OR6B1: variants seen among roughly 807,000 people sequenced by gnomAD.
The protein encoded by OR6B1 is olfactory receptor 6B1.
In OR6B1, 15 loss-of-function variants were observed where a neutral mutation model predicts 15.4. The observed-to-expected ratio is 0.97, with a 90% CI of 0.65 to 1.50. The LOEUF is 1.50. Ranked by LOEUF, OR6B1 falls within the 40% of genes most tolerant of loss-of-function variation. OR6B1 has a pLI of 0.00. For missense variants in OR6B1, 384 were observed against 385.0 expected (o/e 1.00, Z 0.02); for synonymous variants, 139 against 144.9 (o/e 0.96, Z 0.29).
chr7:144,000,612 G>T lies in OR6B1; in HGVS notation c.-64G>T, dbSNP rs1459132678. On this transcript the variant is annotated 5_prime_UTR_variant, in exon 1 of 2. Transcript: ENST00000641698. ...CTATTTTAGAATTGGTGAAGGCTTT[G>T]TTTTCACATTTCATCCTATCAGAGG... 2.0e-5 allele frequency: 3 copies of T among 152,604 alleles called. No homozygotes were observed. Among genetic ancestry groups the T allele is most frequent in the African/African-American group, 7.2e-5 (3 of 41,426 alleles). The allele number at this position is 152,604 out of a possible 1,614,324, so 9.5% of individuals were successfully genotyped here.
chr7:144,006,227 G>A lies in OR6B1; in HGVS notation c.*1295G>A, dbSNP rs185929708. The A allele has an allele frequency of 6.6e-6, 1 of 152,178 alleles. No homozygotes were observed. The highest frequency in any genetic ancestry group is 1.5e-5 in the Non-Finnish European group (1 of 68,022). 9.4% of individuals were successfully genotyped at this position (152,178 alleles called of 1,614,324 possible). A position where few individuals can be genotyped will look rare whatever the true frequency, so the allele number is the denominator to read the frequency against. On this transcript the variant is annotated 3_prime_UTR_variant, in exon 2 of 2. Transcript: ENST00000641698. ...CAACCACAGACAGTGGGAGAGCAGA[G>A]GTCAAAGTCCCAGTTCCCTGAATCC...
At position 144,002,529 on chromosome 7, in the gene OR6B1, C is replaced by T. The variant is rs140169421; in HGVS notation, c.-25-1443C>T. Among the ~76,000 whole-genome samples the T allele has an allele frequency of 2.4e-3, 359 of 152,276 alleles. 2 individuals carry two copies. The highest frequency in any genetic ancestry group is 8.2e-3 in the African/African-American group (342 of 41,560). ...TCACCAATTACTGTTAAAGATTCTG[C>T]TTCTAACGTGTATCTTAAATCTGCT... On this transcript the variant is annotated intron_variant, in intron 1 of 1. Coordinates refer to ENST00000641698, the MANE Select transcript of OR6B1 (RefSeq NM_001005281.3).
rs2050630146 is a variant in OR6B1 at position 144,007,137 on chromosome 7, A to C, written c.*2205A>C. ...TGAATATCTTGGAAAGGGAGAATGT[A>C]GAAGTAGGGTTTCTTGGGGAATTCT... On this transcript the variant is annotated 3_prime_UTR_variant, in exon 2 of 2. Coordinates refer to ENST00000641698, the MANE Select transcript of OR6B1 (RefSeq NM_001005281.3). 1 of 152,308 alleles carries C rather than the reference A, an allele frequency of 6.6e-6. No individual in the cohort carries two copies. The highest frequency in any genetic ancestry group is 2.4e-5 in the African/African-American group (1 of 41,578). 9.4% of individuals were successfully genotyped at this position (152,308 alleles called of 1,614,324 possible).
chr7:144,008,677 CTT>C lies in OR6B1; in HGVS notation c.*3746_*3747del, dbSNP rs1435305367. On this transcript the variant is annotated 3_prime_UTR_variant, in exon 2 of 2. Coordinates refer to ENST00000641698, the MANE Select transcript of OR6B1 (RefSeq NM_001005281.3). ...CCCCTCCCACTTTCTCTCTCTCTCT[CTT>C]GCCGCCATGTTAGATGTGCCTTCCT... 8.5e-5 allele frequency: 13 copies of C among 152,344 alleles called. No individual in the cohort carries two copies. Among genetic ancestry groups the C allele is most frequent in the African/African-American group, 2.2e-4 (9 of 41,426 alleles). The allele number at this position is 152,344 out of a possible 1,614,324, so 9.4% of individuals were successfully genotyped here.
intron 1 of OR6B1, 163 bp from the exon 2 acceptor site, chr7:144,003,809 A>ACG (rs1554405849): frequency 3.4e-6 from 2 of 592,892 alleles, no homozygotes; most frequent in African/African-American, 3.8e-5. Flanking sequence ...ACACACACAC[A>ACG]CGGCTATGTG....
Position 144,005,710 on chromosome 7 carries a change from A to C in OR6B1, c.*778A>C, listed in dbSNP as rs2050619863. The stretch of plus-strand genomic sequence containing the variant: ...TGATATCCTCTTGTTCCCGCCCCGC[A>C]CCCCCCTTCCCGCCCTCTCTTTTAT... On this transcript the variant is annotated 3_prime_UTR_variant, in exon 2 of 2. Transcript: ENST00000641698. 2.0e-5 allele frequency: 3 copies of C among 150,420 alleles called. No individual in the cohort carries two copies. The highest frequency in any genetic ancestry group is 2.1e-4 in the South Asian group (1 of 4,742). 9.3% of individuals were successfully genotyped at this position (150,420 alleles called of 1,614,324 possible).
In OR6B1 at chr7:144,003,333, G is replaced by A. The variant is rs568139496; in HGVS notation, c.-25-639G>A. ...AATAAATATTAATATTCACATTGAC[G>A]GAAGAGAAAACTCAATCTCAGAGAG... On this transcript the variant is annotated intron_variant, in intron 1 of 1. Coordinates refer to ENST00000641698, the MANE Select transcript of OR6B1 (RefSeq NM_001005281.3). Among the ~76,000 whole-genome samples the A allele has an allele frequency of 1.2e-3, 180 of 152,212 alleles. 1 individual carries two copies. The highest frequency in any genetic ancestry group is 4.0e-3 in the African/African-American group (165 of 41,528).
chr7:144,004,284 C>G lies in OR6B1; in HGVS notation c.288C>G (p.Leu96=), dbSNP rs1433740828. ...TGAACAACAGCATCTCTTTCACACT[C>G]TGTATGATACAACTGTACTTCTTCA... ...WSVNNSISFT[L]CMIQLYFFIA... The change falls in exon 2 of 2, where the codon CTC becomes CTG. Residue 96 remains leucine (L), a synonymous_variant. Transcript: ENST00000641698. 6.2e-7 allele frequency: 1 copy of G among 1,614,106 alleles called. No homozygotes were observed. Among genetic ancestry groups the G allele is most frequent in the African/African-American group, 1.3e-5 (1 of 74,924 alleles).
intron 1 of OR6B1, among the ~76,000 whole-genome samples, chr7:144,003,167 C>T (rs950130591): frequency 1.3e-5 from 2 of 152,330 alleles, no homozygotes; most frequent in East Asian, 1.9e-4. Flanking sequence ...AGATCCTCCC[C>T]TCCCTCCAGT....
chr7:144,006,774 A>G lies in OR6B1; in HGVS notation c.*1842A>G, dbSNP rs553117696. On this transcript the variant is annotated 3_prime_UTR_variant, in exon 2 of 2. Coordinates refer to ENST00000641698, the MANE Select transcript of OR6B1 (RefSeq NM_001005281.3). ...GAATTTTAGCCCTGGATATATATTC[A>G]CCATGTGACCTTGGCCAAACCATCT... The G allele has an allele frequency of 3.3e-5, 5 of 152,334 alleles. No homozygotes were observed. Among genetic ancestry groups the G allele is most frequent in the African/African-American group, 1.2e-4 (5 of 41,590 alleles). The allele number at this position is 152,334 out of a possible 1,614,324, so 9.4% of individuals were successfully genotyped here.
intron 1 of OR6B1, among the ~76,000 whole-genome samples, chr7:144,003,031 CTCTA>C (rs2050594548): frequency 6.6e-6 from 1 of 152,132 alleles, no homozygotes; most frequent in Non-Finnish European, 1.5e-5. Flanking sequence ...TATAATGCAT[CTCTA>C]TCTTTGTTTG....
chr7:144,001,463 T>G (rs2050584410), intron 1 of OR6B1, among the ~76,000 whole-genome samples: 1 of 152,204 alleles, frequency 6.6e-6, no homozygotes, highest in African/African-American at 2.4e-5. Context: ...CTCTTCTTTG[T>G]GTGTATCTTT....
At position 144,004,665 on chromosome 7, in the gene OR6B1, C is replaced by A; in HGVS notation, c.669C>A (p.Ala223=). 6.2e-7 allele frequency: 1 copy of A among 1,614,190 alleles called. No individual in the cohort carries two copies. Among genetic ancestry groups the A allele is most frequent in the East Asian group, 2.2e-5 (1 of 44,888 alleles). Residue 223 remains alanine (A), a synonymous_variant, in exon 2 of 2, where the codon GCC becomes GCA. Transcript: ENST00000641698. ...TCCTGTCCTACGGATGCATTCTGGC[C>A]ACCATATTATGCATGCCCACAGGAA... is the stretch of plus-strand genomic sequence containing the variant. The part of the protein sequence containing the change: ...ITVLSYGCIL[A]TILCMPTGKQ...
At position 144,004,177 on chromosome 7, in the gene OR6B1, T is replaced by C. The variant is rs763180405; in HGVS notation, c.181T>C (p.Phe61Leu). ...QNRPLHKPMY[F>L]FLANLSFLET... Reference sequence around the variant, plus strand: ...TCGGCCACTGCACAAGCCTATGTACTTCTTCCTGGCCAACCTGTCCTTCTT... The same window carrying C: ...TCGGCCACTGCACAAGCCTATGTACCTCTTCCTGGCCAACCTGTCCTTCTT... Residue 61 changes from phenylalanine (F) to leucine (L), a missense_variant, in exon 2 of 2, where the codon TTC (phenylalanine) becomes CTC (leucine). Transcript: ENST00000641698. 6.2e-6 allele frequency: 10 copies of C among 1,614,092 alleles called. No homozygotes were observed. Among genetic ancestry groups the C allele is most frequent in the Non-Finnish European group, 8.5e-6 (10 of 1,180,052 alleles).
At position 144,005,355 on chromosome 7, in the gene OR6B1, G is replaced by A. The variant is rs1353123179; in HGVS notation, c.*423G>A. 1 of 158,316 alleles carries A rather than the reference G, an allele frequency of 6.3e-6. No individual in the cohort carries two copies. Among genetic ancestry groups the A allele is most frequent in the African/African-American group, 2.4e-5 (1 of 41,558 alleles). 9.8% of individuals were successfully genotyped at this position (158,316 alleles called of 1,614,324 possible). On this transcript the variant is annotated 3_prime_UTR_variant, in exon 2 of 2. Transcript: ENST00000641698. ...CTCCCTCAACAGTCTCATTCTTGATGTTCTGGGAGTGAATTTTGGTGGCAG... is the reference window on the plus strand; with the variant it reads ...CTCCCTCAACAGTCTCATTCTTGATATTCTGGGAGTGAATTTTGGTGGCAG...
Position 144,004,365 on chromosome 7 carries a change from T to A in OR6B1, c.369T>A (p.Tyr123Ter), listed in dbSNP as rs767132774. The A allele has an allele frequency of 1.2e-6, 2 of 1,614,202 alleles. No individual in the cohort carries two copies. Among genetic ancestry groups the A allele is most frequent in the Non-Finnish European group, 1.7e-6 (2 of 1,180,014 alleles). The change falls in exon 2 of 2, where the codon TAT becomes TAA. Residue 123 changes from tyrosine to a stop codon, truncating the protein, a stop_gained. Coordinates refer to ENST00000641698, the MANE Select transcript of OR6B1 (RefSeq NM_001005281.3). LOFTEE classifies it high-confidence loss of function. ...VLLAAMAYDR[Y>*]VAICRPLHYP... is the part of the protein sequence containing the mutation. ...TGGCCGCCATGGCCTATGACCGGTATGTGGCCATCTGTCGCCCACTCCACT... is the reference window on the plus strand; with the variant it reads ...TGGCCGCCATGGCCTATGACCGGTAAGTGGCCATCTGTCGCCCACTCCACT...
In OR6B1 at chr7:144,004,555, C is replaced by A; in HGVS notation, c.559C>A (p.Leu187Ile). The stretch of plus-strand genomic sequence containing the variant: ...CTGTGACATCTCTCCAGTACTTAAT[C>A]TCTCCTGCACAGACATGTCCATAAC... Reference protein sequence around the residue: ...FFCDISPVLNLSCTDMSITEL... With the variant: ...FFCDISPVLNISCTDMSITEL... The change falls in exon 2 of 2, where the codon CTC becomes ATC. Residue 187 changes from leucine to isoleucine, a missense_variant. Physicochemically the swap from Leu to Ile is conservative, Grantham distance 5. Coordinates refer to ENST00000641698, the MANE Select transcript of OR6B1 (RefSeq NM_001005281.3). 1 of 1,614,176 alleles carries A rather than the reference C, an allele frequency of 6.2e-7. No individual in the cohort carries two copies. Among genetic ancestry groups the A allele is most frequent in the Non-Finnish European group, 8.5e-7 (1 of 1,180,006 alleles).
At chr7:144,003,901 T>G (rs1412902644) in intron 1 of OR6B1, 71 bp from the exon 2 acceptor site, 19 of 768,670 alleles carry the variant, frequency 2.5e-5, no homozygotes, top group Middle Eastern at 3.8e-4. Context: ...TAACTATTAC[T>G]GATAGAGAAG....
At chr7:144,002,942 C>T (rs2116973437) in intron 1 of OR6B1, among the ~76,000 whole-genome samples, 1 of 152,250 alleles carries the variant, frequency 6.6e-6, no homozygotes, top group Non-Finnish European at 1.5e-5. Flanking sequence ...ATTACCTCCT[C>T]AAAGGTCAGA....
Sources: allele counts gnomAD v4.1 joint callset (sites outside exome capture counted in the v4.1 genomes callset), GRCh38; gene constraint gnomAD v4.1.1; transcripts MANE v1.5; gene names NCBI Gene and HGNC (gene_info 2026-07-23, HGNC 2026-07-21).